The following KCNH7 variants were observed in gnomAD, a reference collection of about 807,000 sequenced individuals.
KCNH7 encodes the protein potassium voltage-gated channel subfamily H member 7, also known as voltage-gated inwardly rectifying potassium channel KCNH7.
Under a neutral mutation model 120.8 loss-of-function variants are expected in KCNH7, and 49 were observed. That is an observed-to-expected ratio of 0.41 (90% CI 0.32 to 0.51). The LOEUF (loss-of-function observed/expected upper bound fraction) is 0.51, where lower values mean the gene tolerates loss of function less well. Among genes scored for constraint, KCNH7 ranks in the 20% least tolerant of loss-of-function variants. The probability of loss-of-function intolerance (pLI) is 0.38; values close to 1 mark genes in which losing one functional copy is unlikely to be tolerated. For synonymous variants in KCNH7, 547 were observed against 516.1 expected (o/e 1.06, Z -0.81); for missense variants, 1,097 against 1,446.6 (o/e 0.76, Z 3.92).
At chr2:162,707,634 A>G (rs1686761484) in intron 2 of KCNH7, among the ~76,000 whole-genome samples, 1 of 152,256 alleles carries the variant, frequency 6.6e-6, no homozygotes. Flanking sequence ...TGTAAGGAAG[A>G]TGAAATTCAA....
intron 2 of KCNH7, among the ~76,000 whole-genome samples, chr2:162,606,054 A>G (rs1165401968): frequency 6.6e-6 from 1 of 152,072 alleles, no homozygotes; most frequent in East Asian, 1.9e-4. Context: ...ACATATACAT[A>G]TATTTATTTT....
chr2:162,389,452 CTT>C (rs1686677611), intron 12 of KCNH7, among the ~76,000 whole-genome samples: 1 of 151,850 alleles, frequency 6.6e-6, no homozygotes, highest in Non-Finnish European at 1.5e-5. Context: ...GAACATTATT[CTT>C]TATGCTTTTG....
At position 162,502,950 on chromosome 2, in the gene KCNH7, TTTAAGAAATAAAGAGG is replaced by T. The variant is rs1294157964; in HGVS notation, c.1128+1477_1128+1492del. On this transcript the variant is annotated intron_variant, in intron 6 of 15. Coordinates refer to ENST00000332142, the MANE Select transcript of KCNH7 (RefSeq NM_033272.4). ...TCAAGGCATTTTTTCATTTGTCAAC[TTTAAGAAATAAAGAGG>T]TTATCTTAAATTCTGCATTTCCAGC... Among the ~76,000 whole-genome samples the T allele has an allele frequency of 5.9e-5, 9 of 152,238 alleles. No individual in the cohort carries two copies. In the East Asian group the frequency reaches 1.7e-3, roughly 30 times the overall value.
chr2:162,610,418 G>A (rs186469884), intron 2 of KCNH7, among the ~76,000 whole-genome samples: 1 of 152,236 alleles, frequency 6.6e-6, no homozygotes, highest in Non-Finnish European at 1.5e-5. Flanking sequence ...CTAGGATTTA[G>A]GAATATCATT....
chr2:162,752,430 T>G (rs1168284644), intron 2 of KCNH7, among the ~76,000 whole-genome samples: 1 of 152,230 alleles, frequency 6.6e-6, no homozygotes, highest in Non-Finnish European at 1.5e-5. Context: ...AGAAGCAAAC[T>G]TATTTATGTG....
chr2:162,680,330 G>A (rs926132354), intron 2 of KCNH7, among the ~76,000 whole-genome samples: 2 of 151,724 alleles, frequency 1.3e-5, no homozygotes, highest in African/African-American at 4.8e-5. Context: ...TGAAAAAGCA[G>A]AAAGAGGTGA....
At chr2:162,559,829 G>C (rs543104050) in intron 2 of KCNH7, among the ~76,000 whole-genome samples, 1 of 152,286 alleles carries the variant, frequency 6.6e-6, no homozygotes, top group African/African-American at 2.4e-5. Flanking sequence ...AGGTGGCTGT[G>C]TGCCTGAAGT....
At chr2:162,614,585 G>A (rs948976568) in intron 2 of KCNH7, among the ~76,000 whole-genome samples, 10 of 151,306 alleles carry the variant, frequency 6.6e-5, no homozygotes, top group African/African-American at 4.8e-5. Flanking sequence ...TATCAAAGTG[G>A]ATAAATATTA....
chr2:162,751,037 A>G (rs1369917433), intron 2 of KCNH7, among the ~76,000 whole-genome samples: 1 of 113,328 alleles, frequency 8.8e-6, no homozygotes, highest in Non-Finnish European at 1.6e-5. Flanking sequence ...CAAGACAACA[A>G]CAACCGACTA....
At chr2:162,606,781 T>C (rs1559041298) in intron 2 of KCNH7, among the ~76,000 whole-genome samples, 1 of 152,332 alleles carries the variant, frequency 6.6e-6, no homozygotes, top group Admixed American at 6.5e-5. Context: ...TTTAAAGTTA[T>C]ATATTTTGAT....
chr2:162,670,274 G>A (rs967066812), intron 2 of KCNH7, among the ~76,000 whole-genome samples: 1 of 151,680 alleles, frequency 6.6e-6, no homozygotes, highest in Non-Finnish European at 1.5e-5. Flanking sequence ...GGAGTTTTGA[G>A]ACCAGCCTGG....
chr2:162,555,967 A>G (rs978754377), intron 2 of KCNH7, among the ~76,000 whole-genome samples: 5 of 152,212 alleles, frequency 3.3e-5, no homozygotes, highest in African/African-American at 1.2e-4. Context: ...AACGCTGCGT[A>G]TTCTTCACAA....
At chr2:162,409,599 T>C (rs1231962932) in intron 9 of KCNH7, among the ~76,000 whole-genome samples, 2 of 151,902 alleles carry the variant, frequency 1.3e-5, no homozygotes, top group Non-Finnish European at 2.9e-5. Context: ...AGGAATTAGA[T>C]AAGAAAGAGA....
rs536384209 is a variant in KCNH7, at chr2:162,822,373, C to T, written c.307+14164G>A. 3.3e-5 allele frequency among the ~76,000 whole-genome samples: 5 copies of T among 152,174 alleles called. No individual in the cohort carries two copies. The East Asian group carries it at 9.7e-4, about 30-fold the overall frequency. On this transcript the variant is annotated intron_variant, in intron 2 of 15. Transcript: ENST00000332142. ...TGCTTTTACAAATGTAAACACGGTC[C>T]TCACAAAGCTGAATAAGATAGGTTC...
At chr2:162,739,063 C>G (rs1302932666) in intron 2 of KCNH7, among the ~76,000 whole-genome samples, 1 of 152,152 alleles carries the variant, frequency 6.6e-6, no homozygotes, top group East Asian at 1.9e-4. Context: ...TTCCCCTTGC[C>G]TACTGTCATT....
chr2:162,558,044 A>G lies in KCNH7; in HGVS notation c.308-20964T>C, dbSNP rs1692919423. Among the ~76,000 whole-genome samples the G allele has an allele frequency of 1.3e-5, 2 of 152,182 alleles. 1 individual carries two copies. Among genetic ancestry groups the G allele is most frequent in the South Asian group, 4.1e-4 (2 of 4,830 alleles). ...CAATTTCTAAAGCCCTTTTCCATAT[A>G]TTACCTGCTTTGAGCTTACATAAAA... is the stretch of plus-strand genomic sequence containing the variant. On this transcript the variant is annotated intron_variant, in intron 2 of 15. Transcript: ENST00000332142.
chr2:162,383,367 C>A (rs1314908643), intron 13 of KCNH7, among the ~76,000 whole-genome samples: 3 of 151,924 alleles, frequency 2.0e-5, no homozygotes, highest in Non-Finnish European at 2.9e-5. Flanking sequence ...ATATTCCATT[C>A]TTCCATTGTG....
intron 2 of KCNH7, among the ~76,000 whole-genome samples, chr2:162,618,611 G>A (rs73028524): frequency 0.028 from 4,290 of 152,128 alleles, 222 homozygotes; most frequent in African/African-American, 0.098. Context: ...ATAAACTGCC[G>A]TATTTGGTTA....
chr2:162,576,906 C>A (rs1385863), intron 2 of KCNH7, among the ~76,000 whole-genome samples: 85,735 of 151,486 alleles, frequency 0.57, 24,856 homozygotes, highest in Admixed American at 0.67. Context: ...TCTTTTTCTT[C>A]TTTATTTATT....
Sources: gnomAD v4.1 joint callset for allele counts (sites outside exome capture counted in the v4.1 genomes callset) on GRCh38, gnomAD v4.1.1 for gene constraint, MANE v1.5 for transcripts, NCBI Gene and HGNC (gene_info 2026-07-23, HGNC 2026-07-21) for gene names.